The following RALYL variants were observed in gnomAD, a reference collection of about 807,000 sequenced individuals.
The protein encoded by RALYL is RNA-binding Raly-like protein.
A neutral mutation model predicts 35.1 loss-of-function variants in RALYL; 29 were observed. That is an observed-to-expected ratio of 0.83 (90% CI 0.61 to 1.13). The LOEUF (loss-of-function observed/expected upper bound fraction) is 1.13, where lower values mean the gene tolerates loss of function less well. RALYL is among the 50% of genes most tolerant of loss of function. RALYL has a pLI of 0.00. For synonymous variants in RALYL, 120 were observed against 127.6 expected (o/e 0.94, Z 0.40); for missense variants, 359 against 360.4 (o/e 1.00, Z 0.03).
chr8:84,654,080 C>G lies in RALYL; in HGVS notation c.257-120499C>G, dbSNP rs552112301. ...CGTAGTATATGTATATATAAACACA[C>G]ACACACAAATATATATATACACACA... On this transcript the variant is annotated intron_variant, in intron 2 of 8. Transcript: ENST00000521268. 7.4e-5 allele frequency among the ~76,000 whole-genome samples: 11 copies of G among 148,470 alleles called. No individual in the cohort carries two copies. In the East Asian group the frequency reaches 2.3e-3, roughly 31 times the overall value.
At chr8:84,307,974 A>G (rs1842129169) in intron 1 of RALYL, among the ~76,000 whole-genome samples, 1 of 152,086 alleles carries the variant, frequency 6.6e-6, no homozygotes, top group Non-Finnish European at 1.5e-5. Context: ...TATTTCCATT[A>G]GCTGTTAAGA....
intron 1 of RALYL, among the ~76,000 whole-genome samples, chr8:84,435,122 C>T (rs1468729038): frequency 6.6e-6 from 1 of 152,092 alleles, no homozygotes; most frequent in African/African-American, 2.4e-5. Flanking sequence ...GTATGAAAAA[C>T]AGCTACTAGG....
At chr8:84,220,345 A>C (rs16912554) in intron 1 of RALYL, among the ~76,000 whole-genome samples, 43,209 of 151,734 alleles carry the variant, frequency 0.28, 6,947 homozygotes, top group African/African-American at 0.43. Flanking sequence ...ACATGCATGA[A>C]TTTGCTGTGA....
chr8:84,244,736 A>G (rs569567445), intron 1 of RALYL, among the ~76,000 whole-genome samples: 1 of 152,306 alleles, frequency 6.6e-6, no homozygotes, highest in South Asian at 2.1e-4. Flanking sequence ...CAGACACATC[A>G]CAGTTTCTGT....
chr8:84,326,511 C>T (rs995403571), intron 1 of RALYL, among the ~76,000 whole-genome samples: 2 of 152,056 alleles, frequency 1.3e-5, no homozygotes, highest in African/African-American at 2.4e-5. Flanking sequence ...AAATATTATT[C>T]GCTTAGTTGA....
chr8:84,766,720 CAAAAAAA>C (rs751821694), intron 2 of RALYL, among the ~76,000 whole-genome samples: 4 of 18,016 alleles, frequency 2.2e-4, no homozygotes, highest in Non-Finnish European at 3.1e-4. Flanking sequence ...GAGACTGTCT[CAAAAAAA>C]AAAAAAAAAA....
rs1821488390 is a variant in RALYL, at chr8:84,794,596, C to T, written c.333-10174C>T. ...TCATTTTTCTTAATAGAAACATCTG[C>T]AGAATTGTGTGGACTCCCTTCCAGT... On this transcript the variant is annotated intron_variant, in intron 3 of 8. Coordinates refer to ENST00000521268, the MANE Select transcript of RALYL (RefSeq NM_173848.7). Among the ~76,000 whole-genome samples the T allele has an allele frequency of 2.6e-5, 4 of 152,302 alleles. No homozygotes were observed. In the South Asian group the frequency reaches 8.3e-4, roughly 32 times the overall value.
intron 1 of RALYL, among the ~76,000 whole-genome samples, chr8:84,457,658 T>C (rs1210691729): frequency 6.6e-6 from 1 of 151,880 alleles, no homozygotes; most frequent in Non-Finnish European, 1.5e-5. Context: ...CGCCTTGTCT[T>C]AACCTCAGTA....
intron 1 of RALYL, among the ~76,000 whole-genome samples, chr8:84,335,024 C>T (rs776522783): frequency 1.3e-5 from 2 of 152,112 alleles, no homozygotes; most frequent in South Asian, 4.1e-4. Context: ...ACTGCTGTTT[C>T]TTTGTCGACT....
At chr8:84,345,777 A>G (rs897293672) in intron 1 of RALYL, among the ~76,000 whole-genome samples, 1 of 152,116 alleles carries the variant, frequency 6.6e-6, no homozygotes, top group Non-Finnish European at 1.5e-5. Context: ...GTTAAATATG[A>G]GTGAACGAGA....
chr8:84,796,542 G>A lies in RALYL; in HGVS notation c.333-8228G>A, dbSNP rs187618361. On this transcript the variant is annotated intron_variant, in intron 3 of 8. Transcript: ENST00000521268. ...TAATATGCAAAATATTCTGTAAGAA[G>A]ACACCTAAGAATCACTTACAAGTGC... is the stretch of plus-strand genomic sequence containing the variant. Among the ~76,000 whole-genome samples, 71 of 152,282 alleles carry A rather than the reference G, an allele frequency of 4.7e-4. 2 individuals carry two copies. The highest frequency in any genetic ancestry group is 5.9e-4 in the Non-Finnish European group (40 of 68,022).
Position 84,616,976 on chromosome 8 carries a change from G to A in RALYL, c.256+87399G>A, listed in dbSNP as rs1169299692. Among the ~76,000 whole-genome samples the A allele has an allele frequency of 2.7e-5, 4 of 150,362 alleles. No individual in the cohort carries two copies. In the South Asian group the frequency reaches 6.3e-4, roughly 24 times the overall value. The stretch of plus-strand genomic sequence containing the variant: ...ATCTCTGTTTTGGTACCAGTACCAT[G>A]CTGTTTTGGTTACTGTAGCCTTGTA... On this transcript the variant is annotated intron_variant, in intron 2 of 8. Transcript: ENST00000521268.
rs559502078 is a variant in RALYL at position 84,919,338 on chromosome 8, CTTTTA to C, written c.859-1546_859-1542del. On this transcript the variant is annotated intron_variant, in intron 8 of 8. Transcript: ENST00000521268. ...TATATCAGTGTTCATCTATGGGTTACTTTTATTTTATTTTTTAAGTTATTCATTCT... is the reference window on the plus strand; with the variant it reads ...TATATCAGTGTTCATCTATGGGTTACTTTTATTTTTTAAGTTATTCATTCT... Among the ~76,000 whole-genome samples, 198 of 152,030 alleles carry C rather than the reference CTTTTA, an allele frequency of 1.3e-3. 1 individual carries two copies. Among genetic ancestry groups the C allele is most frequent in the African/African-American group, 4.4e-3 (182 of 41,514 alleles).
chr8:84,448,578 C>A (rs2049100677), intron 1 of RALYL, among the ~76,000 whole-genome samples: 1 of 152,124 alleles, frequency 6.6e-6, no homozygotes, highest in Middle Eastern at 3.4e-3. Flanking sequence ...AGCACTGCTA[C>A]ACGCTTTTTC....
chr8:84,199,896 T>C (rs921080449), intron 1 of RALYL, among the ~76,000 whole-genome samples: 1 of 152,182 alleles, frequency 6.6e-6, no homozygotes, highest in Admixed American at 6.5e-5. Flanking sequence ...GCTTACCTAG[T>C]AAATGTCATG....
chr8:84,186,929 C>T (rs945524947), intron 1 of RALYL, among the ~76,000 whole-genome samples: 1 of 152,052 alleles, frequency 6.6e-6, no homozygotes, highest in African/African-American at 2.4e-5. Context: ...GATTTAGCAC[C>T]GCCTACTGGC....
intron 4 of RALYL, among the ~76,000 whole-genome samples, chr8:84,846,517 C>A (rs1412609585): frequency 1.3e-5 from 2 of 152,138 alleles, no homozygotes; most frequent in African/African-American, 4.8e-5. Context: ...TAGGATGATG[C>A]TGACTTCATA....
At chr8:84,626,739 T>C (rs528808295) in intron 2 of RALYL, among the ~76,000 whole-genome samples, 17 of 152,312 alleles carry the variant, frequency 1.1e-4, no homozygotes, top group Non-Finnish European at 1.0e-4. Flanking sequence ...GGAATTCATT[T>C]AAAGCAGGTG....
At chr8:84,843,846 T>C (rs1436161431) in intron 4 of RALYL, among the ~76,000 whole-genome samples, 1 of 152,224 alleles carries the variant, frequency 6.6e-6, no homozygotes, top group East Asian at 1.9e-4. Flanking sequence ...TTCACAAACC[T>C]GACAAAAACA....
Sources: gnomAD v4.1 joint callset for allele counts (sites outside exome capture counted in the v4.1 genomes callset) on GRCh38, gnomAD v4.1.1 for gene constraint, MANE v1.5 for transcripts, NCBI Gene and HGNC (gene_info 2026-07-23, HGNC 2026-07-21) for gene names.